Variants in KIAA1217 observed in about 807,000 individuals in gnomAD.
KIAA1217 encodes the protein KIAA1217.
A neutral mutation model predicts 163.9 loss-of-function variants in KIAA1217; 88 were observed. The ratio of observed to expected loss-of-function variants is 0.54; its 90% CI spans 0.45 to 0.64. The LOEUF (loss-of-function observed/expected upper bound fraction) is 0.64, where lower values mean the gene tolerates loss of function less well. Ranked by LOEUF, KIAA1217 falls within the 30% of genes least tolerant of loss-of-function variation. The probability of loss-of-function intolerance (pLI) is 0.00; values close to 1 mark genes in which losing one functional copy is unlikely to be tolerated. For missense variants in KIAA1217, 2,372 were observed against 2,475.0 expected (o/e 0.96, Z 0.88); for synonymous variants, 903 against 923.1 (o/e 0.98, Z 0.39).
intron 2 of KIAA1217, among the ~76,000 whole-genome samples, chr10:24,083,141 A>G (rs79828065): frequency 0.026 from 3,941 of 152,272 alleles, 165 homozygotes; most frequent in African/African-American, 0.09. Flanking sequence ...TTCATCTTAT[A>G]TGAAATTGAG....
At chr10:23,958,360 A>T (rs1844660590) in intron 1 of KIAA1217, among the ~76,000 whole-genome samples, 1 of 152,208 alleles carries the variant, frequency 6.6e-6, no homozygotes, top group Non-Finnish European at 1.5e-5. Context: ...TGGGGCAAGC[A>T]CATAGATAAG....
intron 3 of KIAA1217, among the ~76,000 whole-genome samples, chr10:24,402,391 C>T (rs1020760765): frequency 6.6e-6 from 1 of 151,724 alleles, no homozygotes; most frequent in Non-Finnish European, 1.5e-5. Flanking sequence ...CGCCTGTAGT[C>T]CCAACTACTC....
At chr10:24,483,852 T>C (rs1271208753) in intron 6 of KIAA1217, among the ~76,000 whole-genome samples, 3 of 152,152 alleles carry the variant, frequency 2.0e-5, no homozygotes, top group Non-Finnish European at 4.4e-5. Context: ...ACAGGTGATT[T>C]CATAAAGCAG....
intron 2 of KIAA1217, among the ~76,000 whole-genome samples, chr10:24,253,202 A>T (rs2074754796): frequency 6.6e-6 from 1 of 152,152 alleles, no homozygotes; most frequent in Non-Finnish European, 1.5e-5. Flanking sequence ...CAGGATTTTA[A>T]TCTTAATATA....
At chr10:23,726,331 T>C (rs1212885630) in intron 1 of KIAA1217, among the ~76,000 whole-genome samples, 6 of 151,350 alleles carry the variant, frequency 4.0e-5, no homozygotes, top group Non-Finnish European at 7.4e-5. Flanking sequence ...CAAATCATAT[T>C]TTTTATTTGA....
In KIAA1217 at chr10:23,957,114, G is replaced by C. The variant is rs1038501325; in HGVS notation, c.-320-50111G>C. Among the ~76,000 whole-genome samples the C allele has an allele frequency of 3.3e-5, 5 of 152,066 alleles. No homozygotes were observed. The East Asian group carries it at 9.7e-4, about 29-fold the overall frequency. On this transcript the variant is annotated intron_variant, in intron 1 of 18. Transcript: ENST00000376462. Reference sequence around the variant, plus strand: ...TCAAAGGCAGATTTCATTCTGTGACGGCTCCATTGAGAACTCTTCAGTGAT... The same window carrying C: ...TCAAAGGCAGATTTCATTCTGTGACCGCTCCATTGAGAACTCTTCAGTGAT...
chr10:24,384,692 T>C (rs4589183), intron 3 of KIAA1217, among the ~76,000 whole-genome samples: 78,410 of 151,970 alleles, frequency 0.52, 22,803 homozygotes, highest in African/African-American at 0.8. Flanking sequence ...CCTGCCACCA[T>C]GCCTGGCTAA....
intron 2 of KIAA1217, among the ~76,000 whole-genome samples, chr10:24,051,268 C>A (rs1849482126): frequency 6.6e-6 from 1 of 152,112 alleles, no homozygotes; most frequent in Non-Finnish European, 1.5e-5. Flanking sequence ...CCTTTTATGG[C>A]TGAGTAGTAT....
intron 1 of KIAA1217, among the ~76,000 whole-genome samples, chr10:23,921,473 C>G (rs779160009): frequency 1.3e-5 from 2 of 152,110 alleles, no homozygotes; most frequent in Admixed American, 1.3e-4. Flanking sequence ...TTGGTGTTGC[C>G]TATCCTCTCT....
chr10:24,063,411 T>G (rs1311409600), intron 2 of KIAA1217, among the ~76,000 whole-genome samples: 10 of 152,156 alleles, frequency 6.6e-5, no homozygotes, highest in African/African-American at 1.7e-4. Flanking sequence ...TTTCCCCATT[T>G]CTTCTTTTTG....
intron 3 of KIAA1217, among the ~76,000 whole-genome samples, chr10:24,428,859 A>G (rs2059372315): frequency 1.4e-5 from 2 of 142,898 alleles, no homozygotes; most frequent in Admixed American, 7.1e-5. Context: ...CTCTTTAAAG[A>G]TAAAAAAAAA....
chr10:23,993,281 C>G (rs1846303950), intron 1 of KIAA1217, among the ~76,000 whole-genome samples: 1 of 151,926 alleles, frequency 6.6e-6, no homozygotes, highest in South Asian at 2.1e-4. Flanking sequence ...ATCCACCTGC[C>G]TCGCCCTCCC....
At chr10:23,828,846 CT>C (rs1838033346) in intron 1 of KIAA1217, among the ~76,000 whole-genome samples, 1 of 152,128 alleles carries the variant, frequency 6.6e-6, no homozygotes, top group Non-Finnish European at 1.5e-5. Flanking sequence ...TGGAATGAGG[CT>C]TTTTCTTAAA....
chr10:24,097,023 G>C (rs1346685194), intron 2 of KIAA1217, among the ~76,000 whole-genome samples: 1 of 152,126 alleles, frequency 6.6e-6, no homozygotes, highest in East Asian at 1.9e-4. Flanking sequence ...TATAGGTAAC[G>C]GTGGGCCATT....
chr10:24,201,412 G>T (rs2067247911), intron 2 of KIAA1217, among the ~76,000 whole-genome samples: 2 of 152,180 alleles, frequency 1.3e-5, no homozygotes, highest in Admixed American at 1.3e-4. Context: ...GTCCAGTTCA[G>T]AGATTGTAAA....
intron 1 of KIAA1217, among the ~76,000 whole-genome samples, chr10:23,831,396 G>T (rs1564458841): frequency 6.6e-6 from 1 of 152,002 alleles, no homozygotes; most frequent in Non-Finnish European, 1.5e-5. Context: ...CATCCAAAAA[G>T]GAGTTAGTAT....
At chr10:23,852,578 G>A (rs1275639883) in intron 1 of KIAA1217, among the ~76,000 whole-genome samples, 2 of 152,158 alleles carry the variant, frequency 1.3e-5, no homozygotes, top group Non-Finnish European at 2.9e-5. Context: ...TGATGGGGAT[G>A]CCATTGAATC....
chr10:23,975,342 A>C (rs982029144), intron 1 of KIAA1217, among the ~76,000 whole-genome samples: 1 of 152,238 alleles, frequency 6.6e-6, no homozygotes, highest in Non-Finnish European at 1.5e-5. Context: ...GCGGGCAGGC[A>C]GGACACATTG....
intron 2 of KIAA1217, among the ~76,000 whole-genome samples, chr10:24,037,469 A>G (rs1848442878): frequency 6.6e-6 from 1 of 152,166 alleles, no homozygotes; most frequent in South Asian, 2.1e-4. Context: ...TGGCCTGGGC[A>G]ATAGAGCAAG....
Sources: gnomAD v4.1 joint callset for allele counts (sites outside exome capture counted in the v4.1 genomes callset) on GRCh38, gnomAD v4.1.1 for gene constraint, MANE v1.5 for transcripts, NCBI Gene and HGNC (gene_info 2026-07-23, HGNC 2026-07-21) for gene names.